Variants in BOP1 observed in about 807,000 individuals in gnomAD.
BOP1 encodes ribosome biogenesis protein BOP1.
In BOP1, 54 loss-of-function variants were observed where a neutral mutation model predicts 82.9. The ratio of observed to expected loss-of-function variants is 0.65; its 90% confidence interval spans 0.52 to 0.82. BOP1 has a LOEUF of 0.82. Ranked by LOEUF, BOP1 falls within the 40% of genes least tolerant of loss-of-function variation. The pLI is 0.00. For synonymous variants in BOP1, 566 were observed against 451.1 expected (o/e 1.25, Z -3.23); for missense variants, 1,170 against 1,072.0 (o/e 1.09, Z -1.28).
Position 144,289,105 on chromosome 8 carries a change from T to C in BOP1, c.299A>G (p.Glu100Gly). Reference sequence around the variant, plus strand: ...TCCTCGCTCACCCACCTGCACCTGCTCCTCAGTGGTCTTTTTAATCCCACT... The same window carrying C: ...TCCTCGCTCACCCACCTGCACCTGCCCCTCAGTGGTCTTTTTAATCCCACT... ...GHSGIKKTTEEQVQASTPCPR... is the reference protein window; with the variant it reads ...GHSGIKKTTEGQVQASTPCPR... The change falls in exon 2 of 16, where the codon GAG becomes GGG. Residue 100 changes from glutamate to glycine, a missense_variant. Coordinates refer to ENST00000569669, the MANE Select transcript of BOP1 (RefSeq NM_015201.5). 2 of 1,614,088 alleles carry C rather than the reference T, an allele frequency of 1.2e-6. 1 individual carries two copies. The highest frequency in any genetic ancestry group is 1.7e-6 in the Non-Finnish European group (2 of 1,180,006).
intron 3 of BOP1, among the ~76,000 whole-genome samples, chr8:144,266,345 G>A (rs1424848672): frequency 8.6e-5 from 13 of 151,688 alleles, no homozygotes; most frequent in African/African-American, 2.7e-4. Flanking sequence ...AGAAGGCCGA[G>A]GGACGCGGCG....
In BOP1 at chr8:144,268,427, A is replaced by G. The variant is rs912610201; in HGVS notation, c.391-3356T>C. ...GATGGCATCTTGTGTTTTTGATATG[A>G]TAATATAAAGTCTGAAAATTTTGTA... is the stretch of plus-strand genomic sequence containing the variant. On this transcript the variant is annotated intron_variant, in intron 3 of 15. Coordinates refer to ENST00000569669, the MANE Select transcript of BOP1 (RefSeq NM_015201.5). The G allele has an allele frequency of 7.2e-5, 41 of 569,432 alleles. No homozygotes were observed. The East Asian group carries it at 1.2e-3, about 17-fold the overall frequency. The allele number at this position is 569,432 out of a possible 1,614,324, so 35.3% of individuals were successfully genotyped here. A position where few individuals can be genotyped will look rare whatever the true frequency, so the allele number is the denominator to read the frequency against.
Position 144,262,072 on chromosome 8 carries a change from C to T in BOP1, c.*92G>A. On this transcript the variant is annotated 3_prime_UTR_variant, in exon 16 of 16. Coordinates refer to ENST00000569669, the MANE Select transcript of BOP1 (RefSeq NM_015201.5). ...TGGTGGGGGCGGCTTTGTTGGCAAC[C>T]CCAATTCAAGAAGGTGGGAGCACCA... The T allele has an allele frequency of 1.3e-6, 2 of 1,581,558 alleles. No homozygotes were observed. The highest frequency in any genetic ancestry group is 1.1e-5 in the South Asian group (1 of 89,318).
chr8:144,265,592 T>G, intron 3 of BOP1: 1 of 160,944 alleles, frequency 6.2e-6, no homozygotes, highest in Non-Finnish European at 1.4e-5. Flanking sequence ...CATTCCTGGT[T>G]GCAGCCCCTG....
At position 144,263,458 on chromosome 8, in the gene BOP1, C is replaced by A; in HGVS notation, c.1424+20G>T. ...CACAGTGCCACCCCTGGCTCCCCAG[C>A]CCCCAGGGCCTCCACTTACACGGCT... On this transcript the variant is annotated intron_variant, in intron 11 of 15. Coordinates refer to ENST00000569669, the MANE Select transcript of BOP1 (RefSeq NM_015201.5). 6.3e-7 allele frequency: 1 copy of A among 1,597,942 alleles called. No homozygotes were observed.
intron 3 of BOP1, among the ~76,000 whole-genome samples, chr8:144,274,565 G>A (rs1845540796): frequency 6.6e-6 from 1 of 152,246 alleles, no homozygotes; most frequent in East Asian, 1.9e-4. Context: ...GCTGAGCTCT[G>A]CCGCCCCCTC....
In BOP1 at chr8:144,262,145, C is replaced by A; in HGVS notation, c.*19G>T. The A allele has an allele frequency of 6.2e-7, 1 of 1,611,780 alleles. No homozygotes were observed. Among genetic ancestry groups the A allele is most frequent in the South Asian group, 1.1e-5 (1 of 91,032 alleles). On this transcript the variant is annotated 3_prime_UTR_variant, in exon 16 of 16. Coordinates refer to ENST00000569669, the MANE Select transcript of BOP1 (RefSeq NM_015201.5). ...GTTGACTTCAGCACGACCACCCCAG[C>A]CCCAGGCAGGCAGAACAGCTAGGTG...
rs550188870 is a variant in BOP1, at chr8:144,268,918, G to C, written c.391-3847C>G. ...AGGGCGCTGCAGGTGGCCACAAGGA[G>C]TGGAGCGAGCTGTGCTGCCCAGCGG... On this transcript the variant is annotated intron_variant, in intron 3 of 15. Coordinates refer to ENST00000569669, the MANE Select transcript of BOP1 (RefSeq NM_015201.5). Among the ~76,000 whole-genome samples the C allele has an allele frequency of 2.0e-5, 3 of 151,680 alleles. No individual in the cohort carries two copies. The South Asian group carries it at 6.3e-4, about 32-fold the overall frequency.
intron 3 of BOP1, among the ~76,000 whole-genome samples, chr8:144,274,429 C>A (rs970490133): frequency 2.1e-4 from 32 of 152,344 alleles, no homozygotes; most frequent in Admixed American, 1.0e-3. Flanking sequence ...CTCTTTCCTG[C>A]CCACCTGTGG....
At chr8:144,288,125 C>T (rs1386141645) in intron 2 of BOP1, among the ~76,000 whole-genome samples, 3 of 151,892 alleles carry the variant, frequency 2.0e-5, no homozygotes, top group Non-Finnish European at 4.4e-5. Flanking sequence ...AAAAAATTAG[C>T]CGAGCCTGGT....
At chr8:144,284,369 G>A (rs1814805938) in intron 2 of BOP1, among the ~76,000 whole-genome samples, 1 of 152,178 alleles carries the variant, frequency 6.6e-6, no homozygotes, top group Non-Finnish European at 1.5e-5. Flanking sequence ...GTGTGCACAT[G>A]TGAGAAACAG....
Position 144,263,102 on chromosome 8 carries a change from G to C in BOP1, c.1645C>G (p.Leu549Val). 1.9e-6 allele frequency: 3 copies of C among 1,593,278 alleles called. No individual in the cohort carries two copies. Among genetic ancestry groups the C allele is most frequent in the Non-Finnish European group, 2.5e-6 (3 of 1,178,620 alleles). ...CCTTGGGTGGCCAGCACCACGGCCA[G>C]GTAGTCCCCACGCCCGTGCCAGGTC... ...QVTWHGRGDY[L>V]AVVLATQGHT... The change falls in exon 13 of 16, where the codon CTG (leucine) becomes GTG (valine). Residue 549 changes from leucine (L) to valine (V), a missense_variant. Physicochemically the swap from Leu to Val is conservative, Grantham distance 32. Coordinates refer to ENST00000569669, the MANE Select transcript of BOP1 (RefSeq NM_015201.5).
chr8:144,282,128 G>A (rs147899634), intron 2 of BOP1, among the ~76,000 whole-genome samples: 11 of 152,350 alleles, frequency 7.2e-5, no homozygotes, highest in East Asian at 5.8e-4. Context: ...CCCGCGGCCC[G>A]CGCTGCCGTG....
chr8:144,273,178 C>T (rs887728422), intron 3 of BOP1, among the ~76,000 whole-genome samples: 1 of 152,186 alleles, frequency 6.6e-6, no homozygotes, highest in Non-Finnish European at 1.5e-5. Flanking sequence ...GCGGGGGCGG[C>T]CCGGAGGAGC....
chr8:144,271,946 C>A (rs956940020), intron 3 of BOP1, among the ~76,000 whole-genome samples: 13 of 152,118 alleles, frequency 8.5e-5, no homozygotes, highest in Non-Finnish European at 1.5e-4. Context: ...GCTGGGAGGG[C>A]AGCAAGTCAC....
intron 3 of BOP1, among the ~76,000 whole-genome samples, chr8:144,274,454 C>T (rs1033314876): frequency 7.9e-5 from 12 of 152,206 alleles, no homozygotes; most frequent in Non-Finnish European, 1.3e-4. Context: ...AAATCACTCC[C>T]CTAGGGCCAC....
At chr8:144,263,953 A>G in intron 8 of BOP1, 28 bp downstream of exon 8, 4 of 1,609,662 alleles carry the variant, frequency 2.5e-6, no homozygotes, top group South Asian at 1.1e-5. Context: ...CCCCTGTGCC[A>G]CCCCCCTGGT....
At position 144,278,095 on chromosome 8, in the gene BOP1, A is replaced by AG. The variant is rs1349793100; in HGVS notation, c.310-1792dup. Among the ~76,000 whole-genome samples, 4 of 152,182 alleles carry AG rather than the reference A, an allele frequency of 2.6e-5. No homozygotes were observed. The East Asian group carries it at 7.8e-4, about 29-fold the overall frequency. On this transcript the variant is annotated intron_variant, in intron 2 of 15. Coordinates refer to ENST00000569669, the MANE Select transcript of BOP1 (RefSeq NM_015201.5). The stretch of plus-strand genomic sequence containing the variant: ...CGCAGTGTGCGTGGCCTGACTGAGG[A>AG]GGGGTCGGGCCCGATGGAGCACGAG...
intron 3 of BOP1, 44 bp from the exon 4 acceptor site, chr8:144,265,115 C>T: frequency 6.3e-7 from 1 of 1,585,250 alleles, no homozygotes; most frequent in Middle Eastern, 2.2e-4. Flanking sequence ...CCTACAAGGC[C>T]CACCCCCGCT....
Sources: gnomAD v4.1 joint callset for allele counts (sites outside exome capture counted in the v4.1 genomes callset) on GRCh38, gnomAD v4.1.1 for gene constraint, MANE v1.5 for transcripts, NCBI Gene and HGNC (gene_info 2026-07-23, HGNC 2026-07-21) for gene names.